Variants in HSDL2 observed in about 807,000 individuals in gnomAD.
The protein encoded by HSDL2 is hydroxysteroid dehydrogenase-like protein 2.
Under a neutral mutation model 46.3 loss-of-function variants are expected in HSDL2, and 27 were observed. The observed-to-expected ratio is 0.58, with a 90% CI of 0.43 to 0.80. The LOEUF is 0.80. HSDL2 is among the 30% of genes least tolerant of loss of function. The pLI is 0.00. For synonymous variants in HSDL2, 153 were observed against 163.6 expected, an observed-to-expected ratio of 0.94 and a Z score of 0.50; for missense variants, 451 against 502.7, an observed-to-expected ratio of 0.90 and a Z score of 0.98.
At chr9:112,401,465 AAAAG>A (rs1831592360) in intron 1 of HSDL2, among the ~76,000 whole-genome samples, 1 of 150,962 alleles carries the variant, frequency 6.6e-6, no homozygotes, top group Non-Finnish European at 1.5e-5. Flanking sequence ...AAAAAAAAAA[AAAAG>A]TAGCAGAGAG....
intron 1 of HSDL2, among the ~76,000 whole-genome samples, chr9:112,380,941 T>A (rs919706894): frequency 2.0e-5 from 3 of 152,238 alleles, no homozygotes; most frequent in Non-Finnish European, 2.9e-5. Flanking sequence ...GTAATTTGCC[T>A]GAAACATGCA....
chr9:112,387,180 T>C (rs1237668243), intron 1 of HSDL2, among the ~76,000 whole-genome samples: 1 of 152,124 alleles, frequency 6.6e-6, no homozygotes, highest in Non-Finnish European at 1.5e-5. Context: ...TACTGAAGTA[T>C]TCATAGGTGA....
chr9:112,424,320 C>A (rs868661652), intron 6 of HSDL2, among the ~76,000 whole-genome samples: 379 of 124,946 alleles, frequency 3.0e-3, no homozygotes, highest in Admixed American at 3.3e-3. Flanking sequence ...GATTCCATCT[C>A]AAAAAAAAAA....
At chr9:112,381,096 C>CACACACACACACACACACACAA (rs1831081567) in intron 1 of HSDL2, among the ~76,000 whole-genome samples, 1 of 139,208 alleles carries the variant, frequency 7.2e-6, no homozygotes, top group African/African-American at 2.6e-5. Context: ...GATACACACA[C>CACACACACACACACACACACAA]ACACACACAC....
At chr9:112,469,666 C>CAAAAAAAAA (rs398046829) in intron 10 of HSDL2, 1 of 52,540 alleles carries the variant, frequency 1.9e-5, no homozygotes, top group Admixed American at 2.2e-4. Context: ...GACCTTGTCT[C>CAAAAAAAAA]AAAAAAAAAA....
chr9:112,451,074 T>A (rs1277104746), intron 8 of HSDL2, among the ~76,000 whole-genome samples: 1 of 152,090 alleles, frequency 6.6e-6, no homozygotes, highest in Non-Finnish European at 1.5e-5. Context: ...TAGTGGCACA[T>A]GCCTGTGGTC....
intron 7 of HSDL2, among the ~76,000 whole-genome samples, chr9:112,439,982 C>T (rs1832605630): frequency 6.6e-6 from 1 of 152,100 alleles, no homozygotes; most frequent in African/African-American, 2.4e-5. Context: ...GCACAGTGCC[C>T]AGCATATAGT....
At chr9:112,397,991 GT>G (rs1831498274) in intron 1 of HSDL2, among the ~76,000 whole-genome samples, 1 of 152,148 alleles carries the variant, frequency 6.6e-6, no homozygotes, top group South Asian at 2.1e-4. Context: ...GGCGTAATAA[GT>G]GTTGCATGGA....
intron 8 of HSDL2, among the ~76,000 whole-genome samples, chr9:112,451,283 C>T (rs562799061): frequency 6.6e-6 from 1 of 152,182 alleles, no homozygotes; most frequent in Non-Finnish European, 1.5e-5. Context: ...TAATGTGTCT[C>T]ATTCACTTAC....
At chr9:112,465,702 G>C (rs546927599) in intron 10 of HSDL2, among the ~76,000 whole-genome samples, 4 of 152,214 alleles carry the variant, frequency 2.6e-5, no homozygotes, top group Admixed American at 6.5e-5. Context: ...ATGTTTTTGA[G>C]GTTCATCCAA....
intron 8 of HSDL2, among the ~76,000 whole-genome samples, chr9:112,444,663 A>T: frequency 6.6e-6 from 1 of 152,026 alleles, no homozygotes; most frequent in Non-Finnish European, 1.5e-5. Context: ...ACTTGAGTTC[A>T]GGAGTTTGAG....
chr9:112,431,119 G>A (rs773101193), intron 6 of HSDL2, among the ~76,000 whole-genome samples: 5 of 151,392 alleles, frequency 3.3e-5, no homozygotes, highest in Non-Finnish European at 7.4e-5. Context: ...GAACAGTGGA[G>A]TCGCCAGGAA....
At chr9:112,392,278 A>G (rs1831363515) in intron 1 of HSDL2, among the ~76,000 whole-genome samples, 1 of 152,262 alleles carries the variant, frequency 6.6e-6, no homozygotes, top group Non-Finnish European at 1.5e-5. Flanking sequence ...GAAAAAGCAG[A>G]ACCACTGATA....
chr9:112,416,461 T>C (rs1223408836), intron 4 of HSDL2, among the ~76,000 whole-genome samples: 1 of 150,594 alleles, frequency 6.6e-6, no homozygotes, highest in African/African-American at 2.4e-5. Flanking sequence ...AAAAAAGAAG[T>C]TGGCTGGTCG....
chr9:112,466,034 T>C (rs10733590), intron 10 of HSDL2, among the ~76,000 whole-genome samples: 145,942 of 152,368 alleles, frequency 0.96, 69,969 homozygotes, highest in African/African-American at 0.99. Flanking sequence ...TTTTCCATAT[T>C]CTTGCACTTA....
At chr9:112,399,678 G>A (rs1038523337) in intron 1 of HSDL2, among the ~76,000 whole-genome samples, 4 of 152,212 alleles carry the variant, frequency 2.6e-5, no homozygotes, top group Middle Eastern at 6.8e-3. Flanking sequence ...AATATTCCTC[G>A]CTAGGAAAAG....
intron 1 of HSDL2, among the ~76,000 whole-genome samples, chr9:112,381,098 C>CACACACACAT (rs1554707227): frequency 3.7e-4 from 56 of 151,566 alleles, no homozygotes; most frequent in Middle Eastern, 3.4e-3. Context: ...TACACACACA[C>CACACACACAT]ACACACACAC....
intron 10 of HSDL2, among the ~76,000 whole-genome samples, chr9:112,465,400 A>T (rs1202796503): frequency 6.6e-6 from 1 of 152,204 alleles, no homozygotes; most frequent in Non-Finnish European, 1.5e-5. Context: ...AAGTGCTGGG[A>T]TTACAGGCGT....
intron 10 of HSDL2, among the ~76,000 whole-genome samples, chr9:112,466,578 C>T (rs1044067613): frequency 1.3e-5 from 2 of 151,160 alleles, no homozygotes; most frequent in Non-Finnish European, 3.0e-5. Flanking sequence ...CATATATTTT[C>T]AGTTAGTTAT....
Sources: gnomAD v4.1 joint callset for allele counts (sites outside exome capture counted in the v4.1 genomes callset) on GRCh38, gnomAD v4.1.1 for gene constraint, MANE v1.5 for transcripts, NCBI Gene and HGNC (gene_info 2026-07-23, HGNC 2026-07-21) for gene names.